The following HEATR3 variants were observed in gnomAD, a reference collection of about 807,000 sequenced individuals.
HEATR3 encodes the protein HEAT repeat-containing protein 3.
Under a neutral mutation model 72.8 loss-of-function variants are expected in HEATR3, and 56 were observed. The observed-to-expected ratio is 0.77, with a 90% CI of 0.62 to 0.96. The LOEUF (loss-of-function observed/expected upper bound fraction) is 0.96. Among genes scored for constraint, HEATR3 ranks in the 40% least tolerant of loss-of-function variants. HEATR3 has a pLI of 0.00. For missense variants in HEATR3, 747 were observed against 831.4 expected (o/e 0.90, Z 1.25); for synonymous variants, 331 against 318.1 (o/e 1.04, Z -0.43).
At chr16:50,070,990 G>A (rs1039873555) in intron 4 of HEATR3, among the ~76,000 whole-genome samples, 8 of 152,168 alleles carry the variant, frequency 5.3e-5, no homozygotes, top group African/African-American at 9.7e-5. Context: ...CACAGACCTT[G>A]GCTGGTGCTT....
chr16:50,066,030 C>G lies in HEATR3; in HGVS notation c.-102C>G. On this transcript the variant is annotated 5_prime_UTR_variant, in exon 1 of 15. Coordinates refer to ENST00000299192, the MANE Select transcript of HEATR3 (RefSeq NM_182922.4). ...ATGTGTGCTGCAGCCGTCAGCCGGC[C>G]CAGCTGAGCAGCAGCAACGGACCTT... The G allele has an allele frequency of 1.5e-6, 2 of 1,322,964 alleles. No homozygotes were observed. The highest frequency in any genetic ancestry group is 2.1e-6 in the Non-Finnish European group (2 of 974,040). The allele number at this position is 1,322,964 out of a possible 1,614,324, so 82.0% of individuals were successfully genotyped here.
chr16:50,070,314 C>A, intron 4 of HEATR3, 24 bp downstream of exon 4: 1 of 1,206,956 alleles, frequency 8.3e-7, no homozygotes, highest in Middle Eastern at 1.9e-4. Flanking sequence ...CAAACACAGT[C>A]TCCTGCTATA....
intron 2 of HEATR3, among the ~76,000 whole-genome samples, chr16:50,067,838 A>G (rs1331168338): frequency 6.6e-6 from 1 of 152,230 alleles, no homozygotes; most frequent in Non-Finnish European, 1.5e-5. Context: ...GCATGGGGTA[A>G]TGAGCAAGGC....
chr16:50,091,004 G>A (rs1005823486), intron 11 of HEATR3, among the ~76,000 whole-genome samples: 4 of 151,942 alleles, frequency 2.6e-5, no homozygotes, highest in African/African-American at 9.7e-5. Context: ...AATTAGCTTG[G>A]CATGGTGGTG....
intron 14 of HEATR3, among the ~76,000 whole-genome samples, chr16:50,103,243 C>T (rs1159551794): frequency 6.6e-6 from 1 of 152,180 alleles, no homozygotes; most frequent in Admixed American, 6.5e-5. Flanking sequence ...GGAAAATAAC[C>T]CCTGACTTCT....
intron 11 of HEATR3, among the ~76,000 whole-genome samples, chr16:50,094,267 A>T (rs1448318544): frequency 6.6e-6 from 1 of 152,234 alleles, no homozygotes. Flanking sequence ...CTGGCTCTGC[A>T]CAAGCAACAG....
At chr16:50,080,531 G>T (rs1296173514) in intron 7 of HEATR3, among the ~76,000 whole-genome samples, 1 of 151,912 alleles carries the variant, frequency 6.6e-6, no homozygotes, top group Non-Finnish European at 1.5e-5. Context: ...GTAGAGATGG[G>T]GTTTCTCCAT....
chr16:50,066,238 A>T lies in HEATR3; in HGVS notation c.107A>T (p.Asp36Val), dbSNP rs755328786. 8 of 1,568,466 alleles carry T rather than the reference A, an allele frequency of 5.1e-6. No homozygotes were observed. Among genetic ancestry groups the T allele is most frequent in the Middle Eastern group, 1.7e-4 (1 of 5,942 alleles). ...GCGAATGGGACCGGAGGCGAGGAGG[A>T]CGACGGGCCGGCGGCGGAGCTGCTG... is the stretch of plus-strand genomic sequence containing the variant. ...AAANGTGGEE[D>V]DGPAAELLEK... is the part of the protein sequence containing the mutation. The change falls in exon 1 of 15, where the codon GAC (aspartate) becomes GTC (valine). Residue 36 changes from aspartate to valine, a missense_variant. By Grantham distance (152) the Asp-to-Val change is radical. Around this residue, in one of 2 missense-constraint regions of HEATR3, gnomAD observed 161 missense variants for 122.6 expected, o/e 1.31. Transcript: ENST00000299192.
Position 50,066,041 on chromosome 16 carries a change from G to C in HEATR3, c.-91G>C. On this transcript the variant is annotated 5_prime_UTR_variant, in exon 1 of 15. Coordinates refer to ENST00000299192, the MANE Select transcript of HEATR3 (RefSeq NM_182922.4). ...AGCCGTCAGCCGGCCCAGCTGAGCA[G>C]CAGCAACGGACCTTGTTAACGGCGC... 1.5e-6 allele frequency: 2 copies of C among 1,317,540 alleles called. No homozygotes were observed. The highest frequency in any genetic ancestry group is 2.0e-6 in the Non-Finnish European group (2 of 983,922). The allele number at this position is 1,317,540 out of a possible 1,614,324, so 81.6% of individuals were successfully genotyped here.
intron 4 of HEATR3, 57 bp downstream of exon 4, chr16:50,070,347 C>G: frequency 1.2e-6 from 1 of 823,040 alleles, no homozygotes; most frequent in Non-Finnish European, 2.0e-6. Context: ...CTGCTATTCT[C>G]TGTTATACTG....
intron 10 of HEATR3, among the ~76,000 whole-genome samples, chr16:50,085,190 T>C (rs2036962575): frequency 6.6e-6 from 1 of 152,100 alleles, no homozygotes; most frequent in Non-Finnish European, 1.5e-5. Flanking sequence ...TGGGATATTA[T>C]ATGGAAGAGA....
At chr16:50,088,740 C>G (rs923401345) in intron 11 of HEATR3, among the ~76,000 whole-genome samples, 2 of 152,192 alleles carry the variant, frequency 1.3e-5, no homozygotes, top group Non-Finnish European at 2.9e-5. Flanking sequence ...TGCCCACCCC[C>G]ACCCATTCCC....
chr16:50,089,961 G>A (rs1467592273), intron 11 of HEATR3, among the ~76,000 whole-genome samples: 10 of 151,954 alleles, frequency 6.6e-5, no homozygotes, highest in Non-Finnish European at 1.3e-4. Flanking sequence ...CACCGTGCCC[G>A]TCCTAGAGAT....
In HEATR3 at chr16:50,072,589, TCCCC is replaced by T; in HGVS notation, c.513-14_513-11del. 1 of 1,519,290 alleles carries T rather than the reference TCCCC, an allele frequency of 6.6e-7. No homozygotes were observed. Among genetic ancestry groups the T allele is most frequent in the Admixed American group, 1.7e-5 (1 of 57,802 alleles). The allele number at this position is 1,519,290 out of a possible 1,614,324, so 94.1% of individuals were successfully genotyped here. ...AAATGTGAATAGTAAAACTTTTTTTTCCCCCTTCAATTTAGTGAATGCAGTAGTA... is the reference window on the plus strand; with the variant it reads ...AAATGTGAATAGTAAAACTTTTTTTTCTTCAATTTAGTGAATGCAGTAGTA... On this transcript the variant is annotated splice_polypyrimidine_tract_variant and intron_variant, in intron 4 of 14. Transcript: ENST00000299192.
At chr16:50,102,952 G>A (rs962699164) in intron 14 of HEATR3, among the ~76,000 whole-genome samples, 4 of 151,910 alleles carry the variant, frequency 2.6e-5, no homozygotes, top group Non-Finnish European at 2.9e-5. Flanking sequence ...TAGTAGAAAC[G>A]GGGATTCGCC....
intron 14 of HEATR3, 55 bp downstream of exon 14, chr16:50,102,490 G>A: frequency 2.0e-6 from 3 of 1,535,804 alleles, no homozygotes; most frequent in South Asian, 1.2e-5. Context: ...GTGGGGACAA[G>A]GGTGTGTGTA....
At position 50,068,805 on chromosome 16, in the gene HEATR3, G is replaced by A; in HGVS notation, c.337G>A (p.Glu113Lys). 6.2e-7 allele frequency: 1 copy of A among 1,613,858 alleles called. No individual in the cohort carries two copies. The highest frequency in any genetic ancestry group is 8.5e-7 in the Non-Finnish European group (1 of 1,179,882). The change falls in exon 3 of 15, where the codon GAA (glutamate) becomes AAA (lysine). Residue 113 changes from glutamate to lysine, a missense_variant. Around this residue, in one of 2 missense-constraint regions of HEATR3, gnomAD observed 586 missense variants for 708.8 expected, o/e 0.83. Coordinates refer to ENST00000299192, the MANE Select transcript of HEATR3 (RefSeq NM_182922.4). Reference sequence around the variant, plus strand: ...AAATCTCAGTGCTTGTGGAGGTTTTGAAGTTTGTGATGACATGGTGACTAA... The same window carrying A: ...AAATCTCAGTGCTTGTGGAGGTTTTAAAGTTTGTGATGACATGGTGACTAA... ...LRNLSACGGF[E>K]VCDDMVTKDI...
At chr16:50,091,005 C>T (rs1018257717) in intron 11 of HEATR3, among the ~76,000 whole-genome samples, 1 of 151,866 alleles carries the variant, frequency 6.6e-6, no homozygotes, top group African/African-American at 2.4e-5. Flanking sequence ...ATTAGCTTGG[C>T]ATGGTGGTGT....
chr16:50,086,971 C>T (rs2037001943), intron 11 of HEATR3, among the ~76,000 whole-genome samples: 1 of 152,102 alleles, frequency 6.6e-6, no homozygotes, highest in South Asian at 2.1e-4. Context: ...CTATTATTTT[C>T]TTCCCAGTTA....
Sources: allele counts gnomAD v4.1 joint callset (sites outside exome capture counted in the v4.1 genomes callset), GRCh38; gene constraint gnomAD v4.1.1; regional missense constraint gnomAD v4.1.1; transcripts MANE v1.5; gene names NCBI Gene and HGNC (gene_info 2026-07-23, HGNC 2026-07-21).